Variants in NXPE2 observed in about 807,000 individuals in gnomAD.
NXPE2 encodes NXPE family member 2.
A neutral mutation model predicts 34.4 loss-of-function variants in NXPE2; 34 were observed. The observed-to-expected ratio is 0.99, with a 90% CI of 0.75 to 1.31. The LOEUF (loss-of-function observed/expected upper bound fraction) is 1.31, where lower values mean the gene tolerates loss of function less well. Ranked by LOEUF, NXPE2 falls within the 40% of genes most tolerant of loss-of-function variation. The pLI is 0.00. For missense variants in NXPE2, 649 were observed against 672.5 expected, an observed-to-expected ratio of 0.97 and a Z score of 0.39; for synonymous variants, 235 against 231.3, an observed-to-expected ratio of 1.02 and a Z score of -0.15.
At chr11:114,810,190 T>G in the NXPE2 span, among the ~76,000 whole-genome samples, 1 of 146,682 alleles carries the variant, frequency 6.8e-6, no homozygotes, top group Non-Finnish European at 1.5e-5. Flanking sequence ...AAAAATTAAT[T>G]CAAGATGGAT....
At chr11:114,704,286 T>C (rs180686781) in intron 4 of NXPE2, among the ~76,000 whole-genome samples, 12 of 152,072 alleles carry the variant, frequency 7.9e-5, no homozygotes, top group Admixed American at 7.9e-4. Context: ...ACCATTAACT[T>C]CAGTGGCACT....
the NXPE2 span, among the ~76,000 whole-genome samples, chr11:114,638,255 T>G: frequency 6.6e-6 from 1 of 152,108 alleles, no homozygotes; most frequent in Non-Finnish European, 1.5e-5. Context: ...GTTGATCACA[T>G]CAGCTCCTGA....
At chr11:114,739,154 A>G in the NXPE2 span, among the ~76,000 whole-genome samples, 2 of 152,168 alleles carry the variant, frequency 1.3e-5, no homozygotes, top group African/African-American at 4.8e-5. Flanking sequence ...AGCAGATGGC[A>G]CTGAATAGCT....
At chr11:114,555,447 G>A in the NXPE2 span, among the ~76,000 whole-genome samples, 1 of 152,086 alleles carries the variant, frequency 6.6e-6, no homozygotes, top group East Asian at 1.9e-4. Context: ...GGATGGTCTC[G>A]ATTTTCTGAC....
the NXPE2 span, among the ~76,000 whole-genome samples, chr11:114,590,863 A>T: frequency 2.0e-5 from 3 of 152,164 alleles, no homozygotes; most frequent in South Asian, 4.1e-4. Flanking sequence ...GCTGTCTTTT[A>T]TGGGGAACCT....
chr11:114,638,667 A>G, the NXPE2 span, among the ~76,000 whole-genome samples: 1 of 151,906 alleles, frequency 6.6e-6, no homozygotes, highest in East Asian at 1.9e-4. Context: ...TCTGTTTGTT[A>G]GTTTTCTTTC....
chr11:114,693,705 G>A (rs1420008384), intron 2 of NXPE2, among the ~76,000 whole-genome samples: 1 of 152,172 alleles, frequency 6.6e-6, no homozygotes, highest in East Asian at 1.9e-4. Context: ...AAAATATCTA[G>A]GATATGATTT....
At chr11:114,796,635 T>C in the NXPE2 span, among the ~76,000 whole-genome samples, 1 of 152,224 alleles carries the variant, frequency 6.6e-6, no homozygotes, top group Non-Finnish European at 1.5e-5. Flanking sequence ...ATCTAGCAAA[T>C]ATCCCACAAG....
At chr11:114,584,000 G>A in the NXPE2 span, 9,293 of 366,000 alleles carry the variant, frequency 0.025, 774 homozygotes, top group African/African-American at 0.18. Context: ...CAAAGTAATA[G>A]AGATGTTCCT....
chr11:114,728,235 C>T, the NXPE2 span, among the ~76,000 whole-genome samples: 3 of 152,056 alleles, frequency 2.0e-5, no homozygotes, highest in Admixed American at 1.3e-4. Flanking sequence ...AATAGTTTCT[C>T]ATTTCAAGGT....
At chr11:114,554,582 T>A in the NXPE2 span, among the ~76,000 whole-genome samples, 1 of 152,228 alleles carries the variant, frequency 6.6e-6, no homozygotes, top group East Asian at 1.9e-4. Context: ...TAGCATTTTT[T>A]AATTAACATG....
At chr11:114,604,081 C>T in the NXPE2 span, among the ~76,000 whole-genome samples, 1 of 151,934 alleles carries the variant, frequency 6.6e-6, no homozygotes, top group Non-Finnish European at 1.5e-5. Flanking sequence ...TAAGAATTGC[C>T]TCATAGGTAA....
At chr11:114,736,753 A>T in the NXPE2 span, among the ~76,000 whole-genome samples, 1 of 152,184 alleles carries the variant, frequency 6.6e-6, no homozygotes, top group African/African-American at 2.4e-5. Flanking sequence ...AAATCTTCAC[A>T]ATTTATGTTT....
At chr11:114,722,881 A>G in the NXPE2 span, among the ~76,000 whole-genome samples, 2 of 152,226 alleles carry the variant, frequency 1.3e-5, no homozygotes, top group East Asian at 1.9e-4. Context: ...GCCACTTCTT[A>G]TAAATGACAG....
the NXPE2 span, among the ~76,000 whole-genome samples, chr11:114,572,161 G>A: frequency 6.6e-6 from 1 of 152,174 alleles, no homozygotes; most frequent in East Asian, 1.9e-4. Context: ...CATTCCTAGG[G>A]GAAGGGGGAT....
chr11:114,489,514 C>G, the NXPE2 span, among the ~76,000 whole-genome samples: 1 of 152,212 alleles, frequency 6.6e-6, no homozygotes, highest in Non-Finnish European at 1.5e-5. Flanking sequence ...CCACCATGAT[C>G]AAGTGGGCTT....
At chr11:114,587,913 G>A in the NXPE2 span, among the ~76,000 whole-genome samples, 1 of 152,030 alleles carries the variant, frequency 6.6e-6, no homozygotes, top group African/African-American at 2.4e-5. Context: ...GAACCATCCT[G>A]GCCTGCAGAG....
chr11:114,779,780 G>A, the NXPE2 span, among the ~76,000 whole-genome samples: 1 of 152,160 alleles, frequency 6.6e-6, no homozygotes, highest in Non-Finnish European at 1.5e-5. Context: ...CGCTCAGGGA[G>A]ATATTTGAGA....
At chr11:114,658,168 G>A in the NXPE2 span, among the ~76,000 whole-genome samples, 1 of 152,100 alleles carries the variant, frequency 6.6e-6, no homozygotes, top group Admixed American at 6.5e-5. Flanking sequence ...TAGAAATTGA[G>A]GTCACAGGCC....
Sources: gnomAD v4.1 joint callset for allele counts (sites outside exome capture counted in the v4.1 genomes callset) on GRCh38, gnomAD v4.1.1 for gene constraint, MANE v1.5 for transcripts, NCBI Gene and HGNC (gene_info 2026-07-23, HGNC 2026-07-21) for gene names.